The following ARHGEF12 variants were observed in gnomAD, a reference collection of about 807,000 sequenced individuals.
The protein encoded by ARHGEF12 is KMT2A/ARHGEF12 fusion protein.
A neutral mutation model predicts 211.2 loss-of-function variants in ARHGEF12; 66 were observed. The observed-to-expected ratio is 0.31, with a 90% CI of 0.26 to 0.38. ARHGEF12 has a LOEUF of 0.38. ARHGEF12 is among the 10% of genes least tolerant of loss of function. ARHGEF12 has a pLI of 1.00. For missense variants in ARHGEF12, 1,429 were observed against 1,869.5 expected (o/e 0.76, Z 4.34); for synonymous variants, 592 against 638.4 (o/e 0.93, Z 1.09).
chr11:120,367,786 C>T (rs573090604), intron 1 of ARHGEF12, among the ~76,000 whole-genome samples: 23 of 152,242 alleles, frequency 1.5e-4, no homozygotes, highest in African/African-American at 4.3e-4. Context: ...GCCCTGGCAA[C>T]GTAGTGAGAC....
intron 4 of ARHGEF12, among the ~76,000 whole-genome samples, chr11:120,413,870 A>G (rs956987268): frequency 9.2e-5 from 14 of 152,368 alleles, no homozygotes; most frequent in African/African-American, 3.4e-4. Context: ...ACTAAAGTCA[A>G]TGTAATATGG....
intron 1 of ARHGEF12, among the ~76,000 whole-genome samples, chr11:120,387,071 C>T (rs1006387495): frequency 1.3e-5 from 2 of 152,000 alleles, no homozygotes; most frequent in Admixed American, 6.5e-5. Context: ...CATTTAACAT[C>T]GTCTGTAAAG....
At chr11:120,457,283 C>A in intron 23 of ARHGEF12, 33 bp downstream of exon 23, 1 of 1,610,042 alleles carries the variant, frequency 6.2e-7, no homozygotes, top group East Asian at 2.2e-5. Context: ...AAGCTTAGGG[C>A]ATTACTTAAA....
chr11:120,358,519 G>GT (rs1350360153), intron 1 of ARHGEF12, among the ~76,000 whole-genome samples: 4 of 152,124 alleles, frequency 2.6e-5, no homozygotes, highest in Non-Finnish European at 5.9e-5. Context: ...TAAATCTTTA[G>GT]TTTAAGTATT....
At chr11:120,445,852 T>G (rs1219348040) in intron 16 of ARHGEF12, among the ~76,000 whole-genome samples, 5 of 147,688 alleles carry the variant, frequency 3.4e-5, no homozygotes, top group African/African-American at 5.1e-5. Flanking sequence ...GAGCTGAGAT[T>G]ATGCCATTAA....
At position 120,337,357 on chromosome 11, in the gene ARHGEF12, T is replaced by G. The variant is rs1312594937; in HGVS notation, c.32+82T>G. ...GGAGTCGGTGATTGCAGATTGCCTT[T>G]GGCCAGCGAAGTTGACAGGCAGAGG... On this transcript the variant is annotated intron_variant, in intron 1 of 40. Coordinates refer to ENST00000397843, the MANE Select transcript of ARHGEF12 (RefSeq NM_015313.3). The G allele has an allele frequency of 1.9e-6, 3 of 1,604,116 alleles. No individual in the cohort carries two copies. In the African/African-American group the frequency reaches 4.0e-5, roughly 21 times the overall value.
intron 37 of ARHGEF12, among the ~76,000 whole-genome samples, chr11:120,478,625 A>G (rs1374619187): frequency 6.6e-6 from 1 of 152,174 alleles, no homozygotes; most frequent in Non-Finnish European, 1.5e-5. Context: ...CATATCTCTC[A>G]GTTGTATTGA....
chr11:120,382,643 T>G (rs1375438959), intron 1 of ARHGEF12, among the ~76,000 whole-genome samples: 2 of 152,262 alleles, frequency 1.3e-5, no homozygotes, highest in African/African-American at 2.4e-5. Context: ...AGGTGCTTAA[T>G]GTCTTCATGA....
At chr11:120,478,045 T>A in intron 36 of ARHGEF12, 111 bp from the exon 37 acceptor site, 1 of 725,152 alleles carries the variant, frequency 1.4e-6, no homozygotes, top group East Asian at 2.7e-5. Flanking sequence ...ACAGATGATC[T>A]CTGTAGTTTA....
intron 28 of ARHGEF12, among the ~76,000 whole-genome samples, chr11:120,466,746 A>G (rs1946715968): frequency 6.6e-6 from 1 of 152,224 alleles, no homozygotes; most frequent in Non-Finnish European, 1.5e-5. Context: ...CTGGCATTTT[A>G]CTAAAAACTT....
At chr11:120,469,192 C>T in intron 29 of ARHGEF12, 96 bp from the exon 30 acceptor site, 2 of 974,562 alleles carry the variant, frequency 2.1e-6, no homozygotes, top group Non-Finnish European at 1.5e-6. Flanking sequence ...TTAATATGCT[C>T]TTAAAAGTAT....
chr11:120,338,741 C>T (rs1445376641), intron 1 of ARHGEF12, among the ~76,000 whole-genome samples: 1 of 152,122 alleles, frequency 6.6e-6, no homozygotes, highest in Non-Finnish European at 1.5e-5. Flanking sequence ...AAACAAAAGT[C>T]TTGCTAGGAA....
At chr11:120,356,709 G>T (rs1395427391) in intron 1 of ARHGEF12, among the ~76,000 whole-genome samples, 1 of 152,056 alleles carries the variant, frequency 6.6e-6, no homozygotes, top group African/African-American at 2.4e-5. Flanking sequence ...GGATTACTTG[G>T]TTTTTCTGTA....
intron 1 of ARHGEF12, among the ~76,000 whole-genome samples, chr11:120,363,199 G>A (rs6589810): frequency 0.39 from 59,403 of 152,168 alleles, 11,818 homozygotes; most frequent in African/African-American, 0.42. Context: ...TTTAAGGTTT[G>A]TATGAATGGT....
rs1463008727 is a variant in ARHGEF12 at position 120,420,822 on chromosome 11, A to T, written c.269A>T (p.Asn90Ile). The change falls in exon 5 of 41, where the codon AAT becomes ATT. Residue 90 changes from asparagine (N) to isoleucine (I), a missense_variant. Asn to Ile is a moderately radical substitution (Grantham distance 149, BLOSUM62 -3). Coordinates refer to ENST00000397843, the MANE Select transcript of ARHGEF12 (RefSeq NM_015313.3). ...NGFGLTVSGD[N>I]PVFVQSVKED... ...TTTGGGCTGACGGTCAGTGGAGACA[A>T]TCCAGTCTTCGTACAGTCTGTCAAA... The T allele has an allele frequency of 6.2e-7, 1 of 1,613,996 alleles. No individual in the cohort carries two copies. Among genetic ancestry groups the T allele is most frequent in the African/African-American group, 1.3e-5 (1 of 74,948 alleles).
intron 1 of ARHGEF12, among the ~76,000 whole-genome samples, chr11:120,402,819 CTATT>C (rs1944581581): frequency 1.3e-5 from 2 of 152,168 alleles, no homozygotes; most frequent in Admixed American, 1.3e-4. Flanking sequence ...TTCTAGCAGG[CTATT>C]TATTATAAGC....
chr11:120,349,675 C>G (rs541044517), intron 1 of ARHGEF12, among the ~76,000 whole-genome samples: 3 of 152,064 alleles, frequency 2.0e-5, no homozygotes, highest in African/African-American at 7.2e-5. Flanking sequence ...ATTGTCGTGA[C>G]GATTAAATGA....
At chr11:120,378,734 T>A (rs2135441200) in intron 1 of ARHGEF12, among the ~76,000 whole-genome samples, 1 of 152,362 alleles carries the variant, frequency 6.6e-6, no homozygotes, top group East Asian at 1.9e-4. Context: ...GACTGTCCTT[T>A]TCCCGTTGAA....
chr11:120,421,465 G>GTCTCCC (rs1945188603), intron 5 of ARHGEF12, among the ~76,000 whole-genome samples: 1 of 123,634 alleles, frequency 8.1e-6, no homozygotes. Flanking sequence ...TGGAGATGGA[G>GTCTCCC]TCTCCCTCTG....
Sources: allele counts gnomAD v4.1 joint callset (sites outside exome capture counted in the v4.1 genomes callset), GRCh38; gene constraint gnomAD v4.1.1; transcripts MANE v1.5; gene names NCBI Gene and HGNC (gene_info 2026-07-23, HGNC 2026-07-21).